AK9: variants seen among roughly 807,000 people sequenced by gnomAD.
AK9 encodes adenylate kinase domain containing 1.
A neutral mutation model predicts 239.6 loss-of-function variants in AK9; 191 were observed. The observed-to-expected ratio is 0.80, with a 90% CI of 0.71 to 0.90. AK9 has a LOEUF of 0.90. Among genes scored for constraint, AK9 ranks in the 40% least tolerant of loss-of-function variants. AK9 has a pLI of 0.00. For missense variants in AK9, 1,995 were observed against 2,214.7 expected (o/e 0.90, Z 1.99); for synonymous variants, 689 against 721.0 (o/e 0.96, Z 0.71).
At position 109,544,033 on chromosome 6, in the gene AK9, C is replaced by T. The variant is rs192093340; in HGVS notation, c.3225+1834G>A. On this transcript the variant is annotated intron_variant, in intron 26 of 40. Coordinates refer to ENST00000424296, the MANE Select transcript of AK9 (RefSeq NM_001145128.3). The stretch of plus-strand genomic sequence containing the variant: ...ACTTAGGAGGCTGAGGTGAGAGGAT[C>T]GCTTGAGCCCAGGAGTCAGAGGTTG... 3.7e-3 allele frequency among the ~76,000 whole-genome samples: 565 copies of T among 152,074 alleles called. 2 individuals are homozygous for T. The highest frequency in any genetic ancestry group is 0.013 in the African/African-American group (537 of 41,524).
chr6:109,673,881 T>C (rs1771294790), intron 3 of AK9, among the ~76,000 whole-genome samples: 1 of 151,444 alleles, frequency 6.6e-6, no homozygotes, highest in African/African-American at 2.4e-5. Flanking sequence ...ACACCTGTAA[T>C]CTAGTACTTT....
At position 109,659,323 on chromosome 6, in the gene AK9, C is replaced by G; in HGVS notation, c.535G>C (p.Glu179Gln). The G allele has an allele frequency of 6.2e-7, 1 of 1,608,900 alleles. No homozygotes were observed. The highest frequency in any genetic ancestry group is 8.5e-7 in the Non-Finnish European group (1 of 1,178,710). The stretch of plus-strand genomic sequence containing the variant: ...TTTTTCCTATGATTCTCAATGACTT[C>G]AGGATCCCACTGGTCTCTACTGTAT... ...YIYSRDQWDP[E>Q]VIENHRKKKK... The change falls in exon 7 of 41, where the codon GAA (glutamate) becomes CAA (glutamine). Residue 179 changes from glutamate to glutamine, a missense_variant. Physicochemically the swap from Glu to Gln is conservative, Grantham distance 29. Coordinates refer to ENST00000424296, the MANE Select transcript of AK9 (RefSeq NM_001145128.3).
chr6:109,599,166 T>C (rs1171787298), intron 17 of AK9, among the ~76,000 whole-genome samples: 1 of 152,202 alleles, frequency 6.6e-6, no homozygotes, highest in African/African-American at 2.4e-5. Context: ...ATGCCCTGAA[T>C]GGTATTGCCT....
Position 109,628,728 on chromosome 6 carries a change from T to G in AK9, c.1254+4195A>C, listed in dbSNP as rs555007802. On this transcript the variant is annotated intron_variant, in intron 12 of 40. Transcript: ENST00000424296. ...TCCTGATGAGGTTAGGCAGCTTTCA[T>G]AAGTTTTTTCCACTGACAACTCAGT... 2.6e-5 allele frequency among the ~76,000 whole-genome samples: 4 copies of G among 152,318 alleles called. No individual in the cohort carries two copies. In the East Asian group the frequency reaches 7.7e-4, roughly 29 times the overall value.
rs1800093818 is a variant in AK9, at chr6:109,659,227, C to T, written c.630+1G>A. On this transcript the variant is annotated splice_donor_variant, in intron 7 of 40. Coordinates refer to ENST00000424296, the MANE Select transcript of AK9 (RefSeq NM_001145128.3). LOFTEE classifies it high-confidence loss of function. ...ATGGTAGTTACCTATTGAGATATTA[C>T]CTCTTCTTCTTCTTGCTCTTCTTCC... 1.3e-6 allele frequency: 2 copies of T among 1,574,658 alleles called. No homozygotes were observed. The highest frequency in any genetic ancestry group is 1.7e-6 in the Non-Finnish European group (2 of 1,167,562).
intron 6 of AK9, among the ~76,000 whole-genome samples, chr6:109,661,815 C>T (rs996652079): frequency 6.6e-6 from 1 of 152,180 alleles, no homozygotes; most frequent in Non-Finnish European, 1.5e-5. Context: ...TTGACATAAA[C>T]AAGAAGACAC....
chr6:109,619,197 T>C lies in AK9; in HGVS notation c.1294A>G (p.Lys432Glu). 1.3e-6 allele frequency: 2 copies of C among 1,550,074 alleles called. No homozygotes were observed. The highest frequency in any genetic ancestry group is 1.7e-6 in the Non-Finnish European group (2 of 1,146,274). Residue 432 changes from lysine (K) to glutamate (E), a missense_variant, in exon 13 of 41, where the codon AAA (lysine) becomes GAA (glutamate). By Grantham distance (56) the Lys-to-Glu change is moderately conservative. Around this residue, in one of 5 missense-constraint regions of AK9, gnomAD observed 1,290 missense variants for 1,392.7 expected, o/e 0.93. Coordinates refer to ENST00000424296, the MANE Select transcript of AK9 (RefSeq NM_001145128.3). ...TTTTCTACTAATGTTTCACGGGCTT[T>C]ATCAAAACGTGGCTGAACAAGTTGG... ...YAQLVQPRFD[K>E]ARETLVENTI...
chr6:109,493,576 A>C lies in AK9; in HGVS notation c.5534-5T>G. On this transcript the variant is annotated splice_region_variant and splice_polypyrimidine_tract_variant and intron_variant, in intron 40 of 40. Transcript: ENST00000424296. ...CGGAACCTTTGGGATTAAATGCTGT[A>C]GAAAATTTCACAGAACTGTGAATAA... 1 of 1,608,634 alleles carries C rather than the reference A, an allele frequency of 6.2e-7. No homozygotes were observed. The highest frequency in any genetic ancestry group is 8.5e-7 in the Non-Finnish European group (1 of 1,176,562).
Position 109,494,102 on chromosome 6 carries a change from G to C in AK9, c.5419-7C>G. The C allele has an allele frequency of 6.3e-7, 1 of 1,595,468 alleles. No individual in the cohort carries two copies. The highest frequency in any genetic ancestry group is 8.6e-7 in the Non-Finnish European group (1 of 1,165,020). On this transcript the variant is annotated splice_region_variant and splice_polypyrimidine_tract_variant and intron_variant, in intron 39 of 40. Transcript: ENST00000424296. Reference sequence around the variant, plus strand: ...TTAGAGAAGTTGCAATACCCTGCAGGGAGGGAACAATTCAAATTCTGTGTA... The same window carrying C: ...TTAGAGAAGTTGCAATACCCTGCAGCGAGGGAACAATTCAAATTCTGTGTA...
intron 21 of AK9, among the ~76,000 whole-genome samples, chr6:109,569,599 C>T (rs1787111446): frequency 6.6e-6 from 1 of 152,054 alleles, no homozygotes; most frequent in South Asian, 2.1e-4. Context: ...ATCGAACAAC[C>T]CCATCAAAAA....
intron 8 of AK9, among the ~76,000 whole-genome samples, chr6:109,652,287 G>A (rs1799079653): frequency 6.6e-6 from 1 of 152,104 alleles, no homozygotes; most frequent in Non-Finnish European, 1.5e-5. Context: ...CATATAAACA[G>A]AACCAAAGAC....
Position 109,542,043 on chromosome 6 carries a change from A to T in AK9, c.3350+4T>A, listed in dbSNP as rs1473237920. On this transcript the variant is annotated splice_donor_region_variant and intron_variant, in intron 27 of 40. Transcript: ENST00000424296. The stretch of plus-strand genomic sequence containing the variant: ...AATGTACAATTCTATATAAATTAAG[A>T]TACCGTATTGGTTCCTTAAGCCACC... 1 of 1,568,998 alleles carries T rather than the reference A, an allele frequency of 6.4e-7. No individual in the cohort carries two copies. Among genetic ancestry groups the T allele is most frequent in the South Asian group, 1.2e-5 (1 of 84,712 alleles).
intron 21 of AK9, among the ~76,000 whole-genome samples, chr6:109,569,103 T>C (rs989256198): frequency 6.6e-6 from 1 of 151,978 alleles, no homozygotes; most frequent in Non-Finnish European, 1.5e-5. Flanking sequence ...TGGAACAGAA[T>C]AGAGCCCCTG....
intron 13 of AK9, 33 bp from the exon 14 acceptor site, chr6:109,614,513 C>A (rs6925005): frequency 6.5e-7 from 1 of 1,528,382 alleles, no homozygotes; most frequent in East Asian, 2.5e-5. Context: ...GTTAGCAAAA[C>A]GTAGTTGGGG....
intron 24 of AK9, among the ~76,000 whole-genome samples, chr6:109,551,165 G>C (rs187666462): frequency 8.0e-4 from 121 of 152,122 alleles, no homozygotes; most frequent in African/African-American, 2.6e-3. Context: ...TTTCTATAAA[G>C]GTGCAAAAAT....
chr6:109,564,910 G>T, intron 21 of AK9, 65 bp from the exon 22 acceptor site: 1 of 1,254,004 alleles, frequency 8.0e-7, no homozygotes, highest in Non-Finnish European at 1.1e-6. Flanking sequence ...TGAAAGTTTT[G>T]GCACAAAGAA....
chr6:109,645,644 A>G (rs901640238), intron 8 of AK9, among the ~76,000 whole-genome samples: 6 of 152,250 alleles, frequency 3.9e-5, no homozygotes, highest in Non-Finnish European at 7.3e-5. Flanking sequence ...TAGCTGAACA[A>G]AAGGCAGCAG....
At chr6:109,586,124 T>C (rs1789477946) in intron 17 of AK9, 52 bp from the exon 18 acceptor site, 3 of 1,395,520 alleles carry the variant, frequency 2.1e-6, no homozygotes, top group Non-Finnish European at 2.8e-6. Flanking sequence ...AAGTCAAGGA[T>C]GCAACCTTGA....
intron 25 of AK9, among the ~76,000 whole-genome samples, chr6:109,548,058 A>T (rs985003061): frequency 1.3e-5 from 2 of 152,054 alleles, no homozygotes; most frequent in African/African-American, 4.8e-5. Flanking sequence ...GACAAAAAAA[A>T]TAGCAAATAC....
Sources: allele counts gnomAD v4.1 joint callset (sites outside exome capture counted in the v4.1 genomes callset), GRCh38; gene constraint gnomAD v4.1.1; regional missense constraint gnomAD v4.1.1; transcripts MANE v1.5; gene names NCBI Gene and HGNC (gene_info 2026-07-23, HGNC 2026-07-21).